KCND2: variants seen among roughly 807,000 people sequenced by gnomAD.
The protein encoded by KCND2 is potassium voltage-gated channel subfamily D member 2.
In KCND2, 16 loss-of-function variants were observed where a neutral mutation model predicts 54.4. That is an observed-to-expected ratio of 0.29 (90% CI 0.20 to 0.45). The LOEUF is 0.45. Ranked by LOEUF, KCND2 falls within the 20% of genes least tolerant of loss-of-function variation. KCND2 has a pLI of 1.00. For synonymous variants in KCND2, 317 were observed against 310.7 expected, an observed-to-expected ratio of 1.02 and a Z score of -0.21; for missense variants, 486 against 824.2, an observed-to-expected ratio of 0.59 and a Z score of 5.02.
intron 1 of KCND2, among the ~76,000 whole-genome samples, chr7:120,697,969 T>C (rs976303839): frequency 2.0e-5 from 3 of 151,808 alleles, no homozygotes; most frequent in Non-Finnish European, 4.4e-5. Flanking sequence ...TTTATTTATA[T>C]TAACTGTAAC....
rs1802876624 is a variant in KCND2 at position 120,498,149 on chromosome 7, A to AGGGCCTATTG, written c.1115+222404_1115+222413dup. Among the ~76,000 whole-genome samples the AGGGCCTATTG allele has an allele frequency of 2.6e-5, 4 of 152,210 alleles. No individual in the cohort carries two copies. In the South Asian group the frequency reaches 6.2e-4, roughly 24 times the overall value. ...TACCTTACAACGGACAGCAGATCCC[A>AGGGCCTATTG]GGGCCTATTGGAAAATCATTTAATA... On this transcript the variant is annotated intron_variant, in intron 1 of 5. Coordinates refer to ENST00000331113, the MANE Select transcript of KCND2 (RefSeq NM_012281.3).
chr7:120,685,928 GAAAGA>G (rs1792195737), intron 1 of KCND2, among the ~76,000 whole-genome samples: 1 of 152,074 alleles, frequency 6.6e-6, no homozygotes, highest in Non-Finnish European at 1.5e-5. Flanking sequence ...TCCCTTTGAG[GAAAGA>G]GAAGCACAAT....
intron 1 of KCND2, among the ~76,000 whole-genome samples, chr7:120,326,082 T>G (rs1469107958): frequency 6.6e-6 from 1 of 152,132 alleles, no homozygotes; most frequent in Non-Finnish European, 1.5e-5. Flanking sequence ...TTTTGTTTAC[T>G]GAAGTTAATG....
At position 120,274,404 on chromosome 7, in the gene KCND2, A is replaced by G. The variant is rs1480022382; in HGVS notation, c.-229A>G. 10 of 613,926 alleles carry G rather than the reference A, an allele frequency of 1.6e-5. No individual in the cohort carries two copies. In the East Asian group the frequency reaches 2.8e-4, roughly 17 times the overall value. 38.0% of individuals were successfully genotyped at this position (613,926 alleles called of 1,614,324 possible). A position where few individuals can be genotyped will look rare whatever the true frequency, so the allele number is the denominator to read the frequency against. ...CTGGGTTCTGTTGAGGGTGATTGTT[A>G]GGACGTTGTATTTTGTTGCCATTAT... On this transcript the variant is annotated 5_prime_UTR_variant, in exon 1 of 6. Coordinates refer to ENST00000331113, the MANE Select transcript of KCND2 (RefSeq NM_012281.3).
At chr7:120,470,046 AT>A (rs1802431997) in intron 1 of KCND2, among the ~76,000 whole-genome samples, 1 of 151,970 alleles carries the variant, frequency 6.6e-6, no homozygotes, top group Non-Finnish European at 1.5e-5. Flanking sequence ...AATTTCACTT[AT>A]TTTTTTCACT....
At chr7:120,390,245 T>G (rs1256188507) in intron 1 of KCND2, among the ~76,000 whole-genome samples, 1 of 151,850 alleles carries the variant, frequency 6.6e-6, no homozygotes, top group Non-Finnish European at 1.5e-5. Flanking sequence ...AAATATAGTA[T>G]GTACTAGCTA....
chr7:120,606,157 C>A (rs1419478368), intron 1 of KCND2, among the ~76,000 whole-genome samples: 1 of 152,162 alleles, frequency 6.6e-6, no homozygotes, highest in East Asian at 1.9e-4. Flanking sequence ...CATTCAACAT[C>A]TTTTTCTTTA....
intron 1 of KCND2, among the ~76,000 whole-genome samples, chr7:120,436,694 C>T (rs1200664228): frequency 1.3e-5 from 2 of 152,182 alleles, no homozygotes; most frequent in Admixed American, 6.5e-5. Context: ...CCCACTGAGA[C>T]TTCCTGCTCT....
rs1799129587 is a variant in KCND2, at chr7:120,273,995, A to T, written c.-638A>T. ...CCCCCCACCGTAACCACTGCACATC[A>T]CCTCCATCTCTGCAAATACAGCCCG... On this transcript the variant is annotated 5_prime_UTR_variant, in exon 1 of 6. Transcript: ENST00000331113. 6.4e-6 allele frequency: 1 copy of T among 155,422 alleles called. No individual in the cohort carries two copies. The highest frequency in any genetic ancestry group is 6.3e-5 in the Admixed American group (1 of 15,908). 9.6% of individuals were successfully genotyped at this position (155,422 alleles called of 1,614,324 possible). A position where few individuals can be genotyped will look rare whatever the true frequency, so the allele number is the denominator to read the frequency against.
At chr7:120,455,546 A>C (rs1802186226) in intron 1 of KCND2, among the ~76,000 whole-genome samples, 1 of 152,182 alleles carries the variant, frequency 6.6e-6, no homozygotes, top group South Asian at 2.1e-4. Context: ...TCTTCATCAC[A>C]ATGCTATTCA....
chr7:120,292,094 T>A (rs1799443029), intron 1 of KCND2, among the ~76,000 whole-genome samples: 1 of 151,904 alleles, frequency 6.6e-6, no homozygotes, highest in Non-Finnish European at 1.5e-5. Flanking sequence ...GTAGTTTGAA[T>A]AATGTGCAAC....
In KCND2 at chr7:120,749,019, A is replaced by C. The variant is rs1372103749; in HGVS notation, c.*1161A>C. 6.6e-6 allele frequency: 1 copy of C among 151,938 alleles called. No homozygotes were observed. The highest frequency in any genetic ancestry group is 1.5e-5 in the Non-Finnish European group (1 of 67,850). The allele number at this position is 151,938 out of a possible 1,614,324, so 9.4% of individuals were successfully genotyped here. On this transcript the variant is annotated 3_prime_UTR_variant, in exon 6 of 6. Coordinates refer to ENST00000331113, the MANE Select transcript of KCND2 (RefSeq NM_012281.3). ...TCTAACGTCTTTGTTGTTTATGGAA[A>C]AGCCCAGATACTGGATATATCACTA...
chr7:120,747,548 A>G (rs747209103), intron 5 of KCND2, 133 bp from the exon 6 acceptor site: 12 of 656,194 alleles, frequency 1.8e-5, no homozygotes, highest in Non-Finnish European at 2.6e-5. Context: ...TTGGTGTTTC[A>G]TATTTTTAAT....
In KCND2 at chr7:120,532,764, A is replaced by G. The variant is rs140117477; in HGVS notation, c.1116-200139A>G. On this transcript the variant is annotated intron_variant, in intron 1 of 5. Coordinates refer to ENST00000331113, the MANE Select transcript of KCND2 (RefSeq NM_012281.3). The stretch of plus-strand genomic sequence containing the variant: ...GAATAAAATACCCAATTAAAAAACT[A>G]TATGCATATTATCTGAGTTATATGT... 7.9e-3 allele frequency among the ~76,000 whole-genome samples: 1,204 copies of G among 152,146 alleles called. 19 individuals are homozygous for G. Among genetic ancestry groups the G allele is most frequent in the African/African-American group, 0.028 (1,150 of 41,560 alleles).
At chr7:120,670,777 G>T (rs1328163551) in intron 1 of KCND2, among the ~76,000 whole-genome samples, 1 of 151,866 alleles carries the variant, frequency 6.6e-6, no homozygotes, top group Non-Finnish European at 1.5e-5. Context: ...TTCGCCAGGC[G>T]TGGTGGCGGG....
intron 2 of KCND2, among the ~76,000 whole-genome samples, chr7:120,739,068 C>T (rs1026612823): frequency 6.6e-6 from 1 of 152,048 alleles, no homozygotes; most frequent in Non-Finnish European, 1.5e-5. Context: ...CTTAGAACTA[C>T]TTCTGCAGTA....
At chr7:120,346,360 T>C (rs1395685137) in intron 1 of KCND2, among the ~76,000 whole-genome samples, 1 of 152,180 alleles carries the variant, frequency 6.6e-6, no homozygotes, top group Non-Finnish European at 1.5e-5. Context: ...ATTACAGTAT[T>C]TGAGATTCAT....
intron 1 of KCND2, among the ~76,000 whole-genome samples, chr7:120,714,362 GTTGGT>G (rs1792577141): frequency 6.6e-6 from 1 of 151,996 alleles, no homozygotes; most frequent in Non-Finnish European, 1.5e-5. Context: ...TAAAAAATAA[GTTGGT>G]TGTATAGAAC....
chr7:120,498,253 G>A (rs887905445), intron 1 of KCND2, among the ~76,000 whole-genome samples: 2 of 152,034 alleles, frequency 1.3e-5, no homozygotes, highest in African/African-American at 2.4e-5. Context: ...AGGCCGAGGC[G>A]GGTGGATCAA....
Sources: gnomAD v4.1 joint callset for allele counts (sites outside exome capture counted in the v4.1 genomes callset) on GRCh38, gnomAD v4.1.1 for gene constraint, MANE v1.5 for transcripts, NCBI Gene and HGNC (gene_info 2026-07-23, HGNC 2026-07-21) for gene names.